NFIB: variants seen among roughly 807,000 people sequenced by gnomAD.
NFIB encodes nuclear factor 1 B-type.
Under a neutral mutation model 61.5 loss-of-function variants are expected in NFIB, and 11 were observed. The ratio of observed to expected loss-of-function variants is 0.18; its 90% confidence interval spans 0.11 to 0.30. NFIB has a LOEUF of 0.30. Ranked by LOEUF, NFIB falls within the 10% of genes least tolerant of loss-of-function variation. The pLI is 1.00. For missense variants in NFIB, 471 were observed against 608.9 expected, an observed-to-expected ratio of 0.77 and a Z score of 2.38; for synonymous variants, 260 against 216.5, an observed-to-expected ratio of 1.20 and a Z score of -1.76.
the NFIB span, among the ~76,000 whole-genome samples, chr9:14,438,237 T>C: frequency 3.6e-4 from 55 of 152,246 alleles, 1 homozygote; most frequent in South Asian, 9.6e-3. Flanking sequence ...GAAAATAAGA[T>C]AGCTGAAAGC....
chr9:14,233,951 TCTTA>T (rs1285667977), intron 2 of NFIB, among the ~76,000 whole-genome samples: 1 of 152,224 alleles, frequency 6.6e-6, no homozygotes, highest in Non-Finnish European at 1.5e-5. Context: ...TTATATAACA[TCTTA>T]CTTATAGATG....
the NFIB span, among the ~76,000 whole-genome samples, chr9:14,475,889 C>A: frequency 6.6e-6 from 1 of 152,276 alleles, no homozygotes; most frequent in Non-Finnish European, 1.5e-5. Flanking sequence ...TACAATACCA[C>A]TGGGGAAAGG....
the NFIB span, among the ~76,000 whole-genome samples, chr9:14,460,793 C>T: frequency 1.3e-5 from 2 of 152,054 alleles, no homozygotes; most frequent in African/African-American, 4.8e-5. Flanking sequence ...CTCCTCATTG[C>T]CCTAAGGATA....
chr9:14,455,464 A>G, the NFIB span, among the ~76,000 whole-genome samples: 1 of 152,220 alleles, frequency 6.6e-6, no homozygotes, highest in East Asian at 1.9e-4. Flanking sequence ...AAGTGGATTT[A>G]TCAAGGCTTT....
chr9:14,327,083 A>G (rs1326073078), intron 1 of NFIB, among the ~76,000 whole-genome samples: 5 of 146,706 alleles, frequency 3.4e-5, no homozygotes, highest in Non-Finnish European at 7.5e-5. Flanking sequence ...AGGTTTCTGA[A>G]ACAACAGAAT....
At chr9:14,412,350 G>A in the NFIB span, among the ~76,000 whole-genome samples, 8 of 152,302 alleles carry the variant, frequency 5.3e-5, no homozygotes, top group South Asian at 1.7e-3. Context: ...AATACCTAGA[G>A]TAGTGCTTGA....
At chr9:14,486,696 TACAC>T in the NFIB span, among the ~76,000 whole-genome samples, 1 of 149,860 alleles carries the variant, frequency 6.7e-6, no homozygotes, top group African/African-American at 2.5e-5. Context: ...TGCATGTAAA[TACAC>T]ACACACACAC....
At chr9:14,493,460 A>T in the NFIB span, among the ~76,000 whole-genome samples, 1 of 152,224 alleles carries the variant, frequency 6.6e-6, no homozygotes, top group East Asian at 1.9e-4. Flanking sequence ...TAAAAGAGGA[A>T]AATTCCTGAA....
intron 2 of NFIB, among the ~76,000 whole-genome samples, chr9:14,259,467 A>G (rs1026486157): frequency 2.2e-4 from 34 of 152,234 alleles, no homozygotes; most frequent in Admixed American, 7.9e-4. Flanking sequence ...ATTCTACTTG[A>G]GCAAAAGATC....
At chr9:14,437,783 T>C in the NFIB span, among the ~76,000 whole-genome samples, 12 of 152,184 alleles carry the variant, frequency 7.9e-5, no homozygotes, top group Non-Finnish European at 1.6e-4. Context: ...TGCTCGTCCC[T>C]CTTCTCAGTG....
At chr9:14,346,576 G>A (rs759377864) in intron 1 of NFIB, among the ~76,000 whole-genome samples, 33 of 152,298 alleles carry the variant, frequency 2.2e-4, no homozygotes, top group Non-Finnish European at 4.3e-4. Context: ...CCCCAGCAAC[G>A]CAGAAGGAGA....
intron 2 of NFIB, among the ~76,000 whole-genome samples, chr9:14,243,605 A>AC (rs1554685845): frequency 1.7e-5 from 2 of 117,354 alleles, no homozygotes; most frequent in Admixed American, 8.5e-5. Context: ...CTAATTGGGT[A>AC]TTTTTTAAAA....
At chr9:14,297,683 C>T (rs1194814353) in intron 2 of NFIB, among the ~76,000 whole-genome samples, 1 of 152,198 alleles carries the variant, frequency 6.6e-6, no homozygotes. Context: ...AAACAGTACG[C>T]AACACGCAAG....
intron 1 of NFIB, among the ~76,000 whole-genome samples, chr9:14,311,448 A>C (rs2060274041): frequency 6.6e-6 from 1 of 152,150 alleles, no homozygotes; most frequent in African/African-American, 2.4e-5. Context: ...TGAAGTGAAA[A>C]TTCTTAAGCT....
chr9:14,521,210 T>G, the NFIB span, among the ~76,000 whole-genome samples: 4 of 152,224 alleles, frequency 2.6e-5, no homozygotes, highest in South Asian at 8.3e-4. Context: ...AGGAACTATT[T>G]TTTAATATTT....
intron 9 of NFIB, among the ~76,000 whole-genome samples, chr9:14,114,697 T>G (rs145637045): frequency 1.2e-4 from 18 of 152,358 alleles, no homozygotes; most frequent in African/African-American, 3.6e-4. Context: ...GGTACTCCTA[T>G]AAGTGAACTG....
In NFIB at chr9:14,105,041, G is replaced by C. The variant is rs553294322; in HGVS notation, c.1467+7958C>G. On this transcript the variant is annotated intron_variant, in intron 10 of 10. Transcript: ENST00000380953. ...GGACCACATCTCCTCAGAAGGATGT[G>C]TTGTAAATGAGTTAGTTTTTTTGTT... Among the ~76,000 whole-genome samples the C allele has an allele frequency of 1.1e-4, 16 of 152,272 alleles. No individual in the cohort carries two copies. The South Asian group carries it at 2.9e-3, about 28-fold the overall frequency.
intron 3 of NFIB, among the ~76,000 whole-genome samples, chr9:14,159,592 C>T (rs1384034681): frequency 6.6e-6 from 1 of 152,134 alleles, no homozygotes; most frequent in South Asian, 2.1e-4. Context: ...GGCAGCATAG[C>T]CTTTGTAACG....
intron 3 of NFIB, among the ~76,000 whole-genome samples, chr9:14,157,552 A>C (rs2043580279): frequency 6.6e-6 from 1 of 152,230 alleles, no homozygotes; most frequent in South Asian, 2.1e-4. Context: ...GTCCCAATTT[A>C]ATGCACTTCT....
Sources: gnomAD v4.1 joint callset for allele counts (sites outside exome capture counted in the v4.1 genomes callset) on GRCh38, gnomAD v4.1.1 for gene constraint, MANE v1.5 for transcripts, NCBI Gene and HGNC (gene_info 2026-07-23, HGNC 2026-07-21) for gene names.